Variants in MALAT1 observed in about 807,000 individuals in gnomAD.
MALAT1 encodes metastasis associated lung adenocarcinoma transcript 1, also known as hepcarcin.
intron 1 of MALAT1, chr11:65,498,659 A>G (rs1312786845): frequency 1.9e-6 from 1 of 518,394 alleles, no homozygotes; most frequent in South Asian, 1.4e-5. Flanking sequence ...CTGAACTATC[A>G]CACTTTAATC....
At chr11:65,500,034 T>C (rs765196493) in exon 3 of MALAT1, 1 of 432,912 alleles carries the variant, frequency 2.3e-6, no homozygotes, top group African/African-American at 2.1e-5. Context: ...AGCCCATCAA[T>C]TTAATTTCTG....
intron 3 of MALAT1, chr11:65,505,996 G>T: frequency 2.2e-6 from 1 of 461,802 alleles, no homozygotes; most frequent in Non-Finnish European, 4.2e-6. Context: ...AGCGGAAGCT[G>T]ATCTCCAATG....
At chr11:65,505,667 C>T (rs752900695) in intron 3 of MALAT1, 6 of 518,824 alleles carry the variant, frequency 1.2e-5, no homozygotes, top group East Asian at 5.4e-5. Context: ...TTCAAGGTAA[C>T]GATGGTGTCG....
chr11:65,499,491 T>C (rs759600219), exon 3 of MALAT1: 1 of 465,926 alleles, frequency 2.1e-6, no homozygotes, highest in Non-Finnish European at 4.2e-6. Context: ...AGGCGATCTT[T>C]TAAAAAGAGA....
exon 3 of MALAT1, chr11:65,501,792 G>A (rs1590703251): frequency 1.9e-6 from 1 of 518,810 alleles, no homozygotes; most frequent in South Asian, 1.4e-5. Flanking sequence ...TAGGCCAAAT[G>A]TTGAAGTTAA....
intron 1 of MALAT1, chr11:65,497,992 A>C: frequency 1.9e-6 from 1 of 518,766 alleles, no homozygotes; most frequent in Non-Finnish European, 3.8e-6. Context: ...TTTAGATAAA[A>C]CCACTCAAAC....
exon 3 of MALAT1, chr11:65,503,323 A>G (rs746495814): frequency 2.1e-4 from 108 of 518,440 alleles, no homozygotes; most frequent in Admixed American, 2.0e-3. Context: ...GGATTGAGAA[A>G]TTTTTCCATC....
chr11:65,506,428 AAACTT>A (rs748051924), exon 4 of MALAT1: 4 of 361,322 alleles, frequency 1.1e-5, no homozygotes, highest in African/African-American at 6.6e-5. Context: ...CTACTGCTGA[AAACTT>A]AACAATTTTG....
At chr11:65,504,228 G>A (rs766604497) in intron 3 of MALAT1, 2 of 517,452 alleles carry the variant, frequency 3.9e-6, no homozygotes, top group South Asian at 2.8e-5. Context: ...AGACCTTGCA[G>A]TGAGTTTATC....
exon 1 of MALAT1, chr11:65,497,826 C>A (rs774648841): frequency 1.9e-6 from 1 of 513,406 alleles, no homozygotes; most frequent in African/African-American, 1.9e-5. Flanking sequence ...ATTTTAGCAA[C>A]GCAGAAGCCC....
At chr11:65,505,437 A>T (rs780207726) in intron 3 of MALAT1, 1 of 512,346 alleles carries the variant, frequency 2.0e-6, no homozygotes, top group South Asian at 1.4e-5. Context: ...TTAATAATAA[A>T]GCCCAAATCT....
chr11:65,506,097 T>TAA (rs11367099), intron 3 of MALAT1: 50 of 353,808 alleles, frequency 1.4e-4, no homozygotes, highest in East Asian at 4.0e-4. Context: ...TTTTCTAGCT[T>TAA]AAAAAAAAAA....
exon 3 of MALAT1, chr11:65,499,835 T>G: frequency 2.4e-6 from 1 of 420,518 alleles, no homozygotes; most frequent in South Asian, 1.8e-5. Flanking sequence ...ATGTACAAAC[T>G]TAGAAGAAAA....
chr11:65,500,176 C>G, exon 3 of MALAT1: 1 of 507,004 alleles, frequency 2.0e-6, no homozygotes, highest in South Asian at 1.5e-5. Flanking sequence ...ACTAAAAGGA[C>G]TGGTGTAATT....
At chr11:65,502,148 C>T (rs370341315) in exon 3 of MALAT1, 1 of 516,322 alleles carries the variant, frequency 1.9e-6, no homozygotes, top group East Asian at 5.5e-5. Flanking sequence ...TGTTTTCCTT[C>T]AAAGTATAGA....
intron 1 of MALAT1, chr11:65,498,092 A>G (rs773264316): frequency 2.5e-5 from 13 of 518,814 alleles, no homozygotes; most frequent in Non-Finnish European, 3.1e-5. Context: ...CTAACCAGGC[A>G]TAACACAGAA....
At chr11:65,503,939 C>G in intron 3 of MALAT1, 1 of 515,744 alleles carries the variant, frequency 1.9e-6, no homozygotes, top group Non-Finnish European at 3.9e-6. Flanking sequence ...AAGGTAATTA[C>G]ACATTTTATT....
exon 3 of MALAT1, chr11:65,499,569 A>G (rs746392661): frequency 8.8e-6 from 4 of 455,730 alleles, no homozygotes; most frequent in Non-Finnish European, 1.8e-5. Context: ...TTTAAAGCCT[A>G]GTTAACGCAT....
chr11:65,499,971 A>T (rs1463425923), exon 3 of MALAT1: 1 of 428,836 alleles, frequency 2.3e-6, no homozygotes, highest in Non-Finnish European at 4.5e-6. Context: ...CAAAAATTGG[A>T]TAAAATAGCA....
Sources: gnomAD v4.1 joint callset for allele counts on GRCh38, gnomAD v4.1.1 for gene constraint, MANE v1.5 for transcripts, NCBI Gene and HGNC (gene_info 2026-07-23, HGNC 2026-07-21) for gene names.